CYP2U1: variants seen among roughly 807,000 people sequenced by gnomAD.
CYP2U1 encodes cytochrome P450 2U1.
Under a neutral mutation model 42.8 loss-of-function variants are expected in CYP2U1, and 28 were observed. The ratio of observed to expected loss-of-function variants is 0.65; its 90% CI spans 0.48 to 0.90. The LOEUF is 0.90. Ranked by LOEUF, CYP2U1 falls within the 40% of genes least tolerant of loss-of-function variation. The probability of loss-of-function intolerance (pLI) is 0.00; values close to 1 mark genes in which losing one functional copy is unlikely to be tolerated. For synonymous variants in CYP2U1, 296 were observed against 278.9 expected, an observed-to-expected ratio of 1.06 and a Z score of -0.61; for missense variants, 642 against 693.8, an observed-to-expected ratio of 0.93 and a Z score of 0.84.
chr4:107,941,522 T>A (rs961282570), intron 1 of CYP2U1, among the ~76,000 whole-genome samples: 8 of 151,978 alleles, frequency 5.3e-5, no homozygotes, highest in Non-Finnish European at 7.4e-5. Flanking sequence ...ATTGGCCACA[T>A]ACTAGGGTAA....
intron 1 of CYP2U1, among the ~76,000 whole-genome samples, chr4:107,942,757 C>T (rs1359661073): frequency 6.6e-6 from 1 of 152,096 alleles, no homozygotes; most frequent in Admixed American, 6.6e-5. Flanking sequence ...TGGATTCCTA[C>T]CTCACAATAG....
At chr4:107,950,095 G>C (rs1479927746) in intron 4 of CYP2U1, 150 bp from the exon 5 acceptor site, 1 of 684,354 alleles carries the variant, frequency 1.5e-6, no homozygotes, top group African/African-American at 1.8e-5. Context: ...TATGCTGTGG[G>C]AGGCTATGTG....
intron 1 of CYP2U1, chr4:107,940,874 G>A (rs2126196258): frequency 6.6e-6 from 1 of 152,244 alleles, no homozygotes; most frequent in African/African-American, 2.4e-5. Flanking sequence ...TAGAGTAAAT[G>A]TAAGAGGACT....
In CYP2U1 at chr4:107,945,512, A is replaced by G. The variant is rs771350413; in HGVS notation, c.1033A>G (p.Ile345Val). 60 of 1,613,898 alleles carry G rather than the reference A, an allele frequency of 3.7e-5. No homozygotes were observed. Among genetic ancestry groups the G allele is most frequent in the Non-Finnish European group, 4.7e-5 (56 of 1,179,992 alleles). ...TTTTGATGAAGAGTACTTATTTTAT[A>G]TCATTGGGGATCTCTTTATTGCTGG... is the stretch of plus-strand genomic sequence containing the variant. ...SSFDEEYLFY[I>V]IGDLFIAGTD... Residue 345 changes from isoleucine to valine, a missense_variant, in exon 2 of 5, where the codon ATC (isoleucine) becomes GTC (valine). By Grantham distance (29) the Ile-to-Val change is conservative (BLOSUM62 3). Coordinates refer to ENST00000332884, the MANE Select transcript of CYP2U1 (RefSeq NM_183075.3).
intron 1 of CYP2U1, chr4:107,936,325 G>C (rs925966589): frequency 4.8e-4 from 73 of 152,262 alleles, no homozygotes; most frequent in African/African-American, 1.8e-3. Flanking sequence ...ACAGTGTCAA[G>C]AGATGGGAAC....
At chr4:107,945,736 A>G in intron 2 of CYP2U1, 131 bp downstream of exon 2, 16 of 1,194,440 alleles carry the variant, frequency 1.3e-5, no homozygotes, top group Non-Finnish European at 1.8e-5. Flanking sequence ...CTTGCAACTC[A>G]TAGGGAGTTG....
Position 107,931,660 on chromosome 4 carries a change from C to T in CYP2U1, c.17C>T (p.Pro6Leu). 2 of 1,259,136 alleles carry T rather than the reference C, an allele frequency of 1.6e-6. No homozygotes were observed. The highest frequency in any genetic ancestry group is 6.3e-5 in the South Asian group (2 of 31,820). 78.0% of individuals were successfully genotyped at this position (1,259,136 alleles called of 1,614,324 possible). A position where few individuals can be genotyped will look rare whatever the true frequency, so the allele number is the denominator to read the frequency against. The change falls in exon 1 of 5, where the codon CCG becomes CTG. Residue 6 changes from proline to leucine, a missense_variant. Physicochemically the swap from Pro to Leu is moderately conservative, Grantham distance 98 (BLOSUM62 -3). Coordinates refer to ENST00000332884, the MANE Select transcript of CYP2U1 (RefSeq NM_183075.3). MSSPG[P>L]SQPPAEDPPW... ...GCCCGGACCATGTCGTCTCCGGGGC[C>T]GTCGCAGCCGCCGGCCGAGGACCCG...
rs144693175 is a variant in CYP2U1 at position 107,953,154 on chromosome 4, T to C, written c.*2731T>C. On this transcript the variant is annotated 3_prime_UTR_variant, in exon 5 of 5. Coordinates refer to ENST00000332884, the MANE Select transcript of CYP2U1 (RefSeq NM_183075.3). ...TTAAATTATACATGCATTTTCAATA[T>C]TCCTAACCAAATAGTTTATAGCTTA... is the stretch of plus-strand genomic sequence containing the variant. The C allele has an allele frequency of 5.1e-4, 78 of 152,334 alleles. No homozygotes were observed. Among genetic ancestry groups the C allele is most frequent in the African/African-American group, 1.8e-3 (73 of 41,576 alleles). The allele number at this position is 152,334 out of a possible 1,614,324, so 9.4% of individuals were successfully genotyped here.
At chr4:107,939,461 G>C (rs1029682307) in intron 1 of CYP2U1, among the ~76,000 whole-genome samples, 8 of 152,118 alleles carry the variant, frequency 5.3e-5, no homozygotes, top group Non-Finnish European at 8.8e-5. Flanking sequence ...GAGGAATGTT[G>C]AACAGAAGAA....
At chr4:107,933,963 T>C (rs1212809395) in intron 1 of CYP2U1, among the ~76,000 whole-genome samples, 1 of 152,204 alleles carries the variant, frequency 6.6e-6, no homozygotes, top group African/African-American at 2.4e-5. Flanking sequence ...CATTCATCCA[T>C]TGATAGACAC....
Position 107,950,945 on chromosome 4 carries a change from A to C in CYP2U1, c.*522A>C, listed in dbSNP as rs1733886791. On this transcript the variant is annotated 3_prime_UTR_variant, in exon 5 of 5. Coordinates refer to ENST00000332884, the MANE Select transcript of CYP2U1 (RefSeq NM_183075.3). ...TGTTCAGCCTGGAATGCTTTGTCAG[A>C]GATGGGTGTGGATTTAGGTTATACT... is the stretch of plus-strand genomic sequence containing the variant. 1 of 152,504 alleles carries C rather than the reference A, an allele frequency of 6.6e-6. No individual in the cohort carries two copies. The highest frequency in any genetic ancestry group is 6.5e-5 in the Admixed American group (1 of 15,326). 9.4% of individuals were successfully genotyped at this position (152,504 alleles called of 1,614,324 possible). A position where few individuals can be genotyped will look rare whatever the true frequency, so the allele number is the denominator to read the frequency against.
intron 1 of CYP2U1, chr4:107,936,251 T>G (rs997013857): frequency 6.6e-6 from 1 of 152,216 alleles, no homozygotes; most frequent in South Asian, 2.1e-4. Flanking sequence ...CACTCTTAAG[T>G]GTGCTGATAT....
At chr4:107,936,412 T>C (rs1733268637) in intron 1 of CYP2U1, 1 of 152,386 alleles carries the variant, frequency 6.6e-6, no homozygotes, top group South Asian at 2.1e-4. Flanking sequence ...GGGTTAGTTA[T>C]TGTGGGAGTG....
In CYP2U1 at chr4:107,947,532, A is replaced by T. The variant is rs1165795521; in HGVS notation, c.1283A>T (p.Asn428Ile). The change falls in exon 3 of 5, where the codon AAC becomes ATC. Residue 428 changes from asparagine (N) to isoleucine (I), a missense_variant. Physicochemically the swap from Asn to Ile is moderately radical, Grantham distance 149. Coordinates refer to ENST00000332884, the MANE Select transcript of CYP2U1 (RefSeq NM_183075.3). ...PLAIPHMTSE[N>I]TVLQGYTIPK... ...GCCATTCCTCATATGACCTCAGAGA[A>T]CACAGGCAAGTCCAGGGTCTTCCTC... is the stretch of plus-strand genomic sequence containing the variant. 6.2e-7 allele frequency: 1 copy of T among 1,613,854 alleles called. No individual in the cohort carries two copies. Among genetic ancestry groups the T allele is most frequent in the Non-Finnish European group, 8.5e-7 (1 of 1,179,970 alleles).
chr4:107,949,299 C>T, intron 3 of CYP2U1, 51 bp from the exon 4 acceptor site: 1 of 1,375,662 alleles, frequency 7.3e-7, no homozygotes, highest in Non-Finnish European at 9.5e-7. Context: ...TCAGGGAGAA[C>T]TACTAGTAAA....
chr4:107,934,975 G>A (rs1014500825), intron 1 of CYP2U1, among the ~76,000 whole-genome samples: 1 of 152,222 alleles, frequency 6.6e-6, no homozygotes, highest in Non-Finnish European at 1.5e-5. Flanking sequence ...TTTCTTTAGG[G>A]CAGAGATTTT....
In CYP2U1 at chr4:107,931,811, G is replaced by A. The variant is rs768079432; in HGVS notation, c.168G>A (p.Ala56=). The change falls in exon 1 of 5, where the codon GCG becomes GCA. Residue 56 remains alanine (A), a synonymous_variant. Transcript: ENST00000332884. ...GGAGCTGGCTGCGGAGGCGCCGGGC[G>A]CGGGGCATCCCGCCCGGGCCCACGC... ...LGWSWLRRRR[A]RGIPPGPTPW... is the part of the protein sequence containing the mutation. 2.4e-5 allele frequency: 37 copies of A among 1,519,278 alleles called. No individual in the cohort carries two copies. Among genetic ancestry groups the A allele is most frequent in the Non-Finnish European group, 3.1e-5 (35 of 1,133,720 alleles). The allele number at this position is 1,519,278 out of a possible 1,614,324, so 94.1% of individuals were successfully genotyped here. A position where few individuals can be genotyped will look rare whatever the true frequency, so the allele number is the denominator to read the frequency against.
rs1326215952 is a variant in CYP2U1 at position 107,931,593 on chromosome 4, C to T, written c.-51C>T. 3 of 1,233,448 alleles carry T rather than the reference C, an allele frequency of 2.4e-6. No individual in the cohort carries two copies. The highest frequency in any genetic ancestry group is 3.0e-6 in the Non-Finnish European group (3 of 989,358). The allele number at this position is 1,233,448 out of a possible 1,614,324, so 76.4% of individuals were successfully genotyped here. ...GCGCCGCGGGTCAGGCAGCTGCGTG[C>T]GCGTCTCCTCCAGGCAGCAAGGGGA... On this transcript the variant is annotated 5_prime_UTR_variant, in exon 1 of 5. Transcript: ENST00000332884.
intron 1 of CYP2U1, among the ~76,000 whole-genome samples, chr4:107,939,826 A>T (rs1273421585): frequency 6.6e-6 from 1 of 152,030 alleles, no homozygotes; most frequent in East Asian, 1.9e-4. Flanking sequence ...TGATCTAGAG[A>T]GCCTTGGCTG....
Sources: allele counts gnomAD v4.1 joint callset (sites outside exome capture counted in the v4.1 genomes callset), GRCh38; gene constraint gnomAD v4.1.1; transcripts MANE v1.5; gene names NCBI Gene and HGNC (gene_info 2026-07-23, HGNC 2026-07-21).